The following SMG1 variants were observed in gnomAD, a reference collection of about 807,000 sequenced individuals.
The protein encoded by SMG1 is serine/threonine-protein kinase SMG1.
A neutral mutation model predicts 419.9 loss-of-function variants in SMG1; 22 were observed. The ratio of observed to expected loss-of-function variants is 0.05; its 90% CI spans 0.04 to 0.07. SMG1 has a LOEUF of 0.07. Ranked by LOEUF, SMG1 falls within the 10% of genes least tolerant of loss-of-function variation. The probability of loss-of-function intolerance (pLI) is 1.00; values close to 1 mark genes in which losing one functional copy is unlikely to be tolerated. For synonymous variants in SMG1, 1,538 were observed against 1,553.5 expected, an observed-to-expected ratio of 0.99 and a Z score of 0.23; for missense variants, 3,185 against 4,342.0, an observed-to-expected ratio of 0.73 and a Z score of 7.49.
chr16:18,876,315 A>G lies in SMG1; in HGVS notation c.1699T>C (p.Leu567=). The part of the protein sequence containing the change: ...NIPVLETAYK[L]ILGEMTCALN... ...GCACAAGTCATTTCTCCCAATATTA[A>G]CTTATAGGCAGTCTCCAAAACAGGA... Residue 567 remains leucine (L), a synonymous_variant, in exon 13 of 63, where the codon TTA becomes CTA. Coordinates refer to ENST00000446231, the MANE Select transcript of SMG1 (RefSeq NM_015092.5). 1 of 1,611,770 alleles carries G rather than the reference A, an allele frequency of 6.2e-7. No homozygotes were observed. The highest frequency in any genetic ancestry group is 8.5e-7 in the Non-Finnish European group (1 of 1,179,688).
chr16:18,864,194 T>TTC, intron 23 of SMG1, 50 bp from the exon 24 acceptor site: 1 of 1,308,012 alleles, frequency 7.6e-7, no homozygotes, highest in Non-Finnish European at 1.0e-6. Context: ...TTACTTTTTT[T>TTC]TTTTTTTTTT....
chr16:18,830,269 C>G lies in SMG1; in HGVS notation c.8893G>C (p.Asp2965His). 6.2e-7 allele frequency: 1 copy of G among 1,613,932 alleles called. No individual in the cohort carries two copies. Residue 2965 changes from aspartate (D) to histidine (H), a missense_variant, in exon 52 of 63, where the codon GAT becomes CAT. Coordinates refer to ENST00000446231, the MANE Select transcript of SMG1 (RefSeq NM_015092.5). ...SAGQMLLVAF[D>H]GMFAQVETAF... ...GTTTCAACTTGAGCAAACATGCCAT[C>G]GAATGCTACCAAAAGCATCTGGCCA...
At chr16:18,818,316 C>A (rs1223549645) in intron 56 of SMG1, among the ~76,000 whole-genome samples, 1 of 152,008 alleles carries the variant, frequency 6.6e-6, no homozygotes, top group African/African-American at 2.4e-5. Context: ...ACTCGGGAGG[C>A]AGAGGTTGCA....
intron 12 of SMG1, 36 bp downstream of exon 12, chr16:18,877,095 C>T (rs777855476): frequency 4.1e-6 from 6 of 1,463,428 alleles, no homozygotes; most frequent in Non-Finnish European, 4.6e-6. Context: ...TTCAGTGACT[C>T]AAGTTGTCAA....
intron 57 of SMG1, 75 bp from the exon 58 acceptor site, chr16:18,816,604 A>G: frequency 8.0e-7 from 1 of 1,242,338 alleles, no homozygotes; most frequent in East Asian, 2.4e-5. Flanking sequence ...AACATCATCA[A>G]AAGATATTAG....
chr16:18,861,467 G>A (rs1409127791), intron 25 of SMG1: 2 of 151,634 alleles, frequency 1.3e-5, no homozygotes, highest in African/African-American at 4.8e-5. Context: ...CAGCCAGGAA[G>A]AAGACACTGT....
At chr16:18,849,448 G>A in intron 35 of SMG1, 70 bp from the exon 36 acceptor site, 1 of 1,412,204 alleles carries the variant, frequency 7.1e-7, no homozygotes. Context: ...CAGCATCGTA[G>A]ATCAAACAGA....
rs189455389 is a variant in SMG1 at position 18,882,258 on chromosome 16, T to G, written c.1200A>C (p.Ala400=). The G allele has an allele frequency of 1.2e-6, 2 of 1,610,024 alleles. No homozygotes were observed. Among genetic ancestry groups the G allele is most frequent in the Non-Finnish European group, 1.7e-6 (2 of 1,179,140 alleles). Reference sequence around the variant, plus strand: ...CCACAGTACTAAATACCCGGAGAAGTGCAGCCAGCTTTGGTAATGACACTG... The same window carrying G: ...CCACAGTACTAAATACCCGGAGAAGGGCAGCCAGCTTTGGTAATGACACTG... ...PPSVSLPKLA[A]LLRVFSTVVR... Residue 400 remains alanine, a synonymous_variant, in exon 10 of 63, where the codon GCA becomes GCC. Coordinates refer to ENST00000446231, the MANE Select transcript of SMG1 (RefSeq NM_015092.5).
intron 1 of SMG1, among the ~76,000 whole-genome samples, chr16:18,910,072 G>A (rs1167761288): frequency 6.6e-6 from 1 of 150,650 alleles, no homozygotes; most frequent in Non-Finnish European, 1.5e-5. Context: ...TAGATTTACA[G>A]TACTACAATT....
chr16:18,919,493 G>A (rs1208718141), intron 1 of SMG1, among the ~76,000 whole-genome samples: 8 of 151,204 alleles, frequency 5.3e-5, no homozygotes, highest in Admixed American at 1.3e-4. Context: ...GCATCATAGC[G>A]GGCACCTGCA....
rs781656219 is a variant in SMG1, at chr16:18,854,869, A to C, written c.4270T>G (p.Leu1424Val). 3 of 1,613,980 alleles carry C rather than the reference A, an allele frequency of 1.9e-6. No homozygotes were observed. The highest frequency in any genetic ancestry group is 2.5e-6 in the Non-Finnish European group (3 of 1,179,884). ...TVPIRSHLME[L>V]GLTAAKFARK... Reference sequence around the variant, plus strand: ...GCAAATTTTGCTGCTGTTAGACCTAATTCCATGAGATGGCTTCTAATTGGG... The same window carrying C: ...GCAAATTTTGCTGCTGTTAGACCTACTTCCATGAGATGGCTTCTAATTGGG... The change falls in exon 30 of 63, where the codon TTA becomes GTA. Residue 1424 changes from leucine (L) to valine (V), a missense_variant. By Grantham distance (32) the Leu-to-Val change is conservative (BLOSUM62 1). This residue lies in a region of SMG1 where 493 missense variants were observed against 552.9 expected (regional missense o/e 0.89). Transcript: ENST00000446231.
chr16:18,903,134 G>GT (rs1196447838), intron 1 of SMG1, among the ~76,000 whole-genome samples: 1 of 152,072 alleles, frequency 6.6e-6, no homozygotes, highest in East Asian at 1.9e-4. Flanking sequence ...CATAAATTTT[G>GT]TTTTTTAGTA....
intron 62 of SMG1, among the ~76,000 whole-genome samples, chr16:18,810,932 T>A (rs1484672470): frequency 2.0e-5 from 3 of 152,204 alleles, no homozygotes; most frequent in African/African-American, 7.2e-5. Flanking sequence ...AATTGTTAAC[T>A]GGTGAGTCTA....
intron 38 of SMG1, among the ~76,000 whole-genome samples, chr16:18,846,107 T>C (rs2606543): frequency 0.49 from 74,859 of 151,914 alleles, 18,824 homozygotes; most frequent in Middle Eastern, 0.59. Context: ...AGTCACCGTG[T>C]CCAGCCAAGA....
rs2031458446 is a variant in SMG1 at position 18,812,045 on chromosome 16, A to T, written c.10704T>A (p.Ala3568=). The part of the protein sequence containing the change: ...NARKLIQKNL[A]TSADTPPSTV... Reference sequence around the variant, plus strand: ...TGCTTGGTGGAGTATCAGCTGATGTAGCAAGATTTTTTTGGATCAGCTTTC... The same window carrying T: ...TGCTTGGTGGAGTATCAGCTGATGTTGCAAGATTTTTTTGGATCAGCTTTC... Residue 3568 remains alanine (A), a synonymous_variant, in exon 61 of 63, where the codon GCT becomes GCA. Transcript: ENST00000446231. 48 of 1,613,844 alleles carry T rather than the reference A, an allele frequency of 3.0e-5. No individual in the cohort carries two copies. The highest frequency in any genetic ancestry group is 4.1e-5 in the Non-Finnish European group (48 of 1,179,888).
chr16:18,844,748 AAATTCAGT>A (rs1365187077), intron 39 of SMG1, among the ~76,000 whole-genome samples: 1 of 152,120 alleles, frequency 6.6e-6, no homozygotes, highest in Non-Finnish European at 1.5e-5. Flanking sequence ...CTCACTGCTC[AAATTCAGT>A]AAGGAAATCA....
At chr16:18,845,735 A>C in intron 38 of SMG1, 84 bp from the exon 39 acceptor site, 1 of 974,912 alleles carries the variant, frequency 1.0e-6, no homozygotes, top group Non-Finnish European at 1.6e-6. Context: ...CAATATATCA[A>C]TTGTTAAGTA....
rs879866489 is a variant in SMG1 at position 18,872,187 on chromosome 16, G to C, written c.2180C>G (p.Thr727Arg). 2.0e-6 allele frequency: 3 copies of C among 1,467,800 alleles called. No individual in the cohort carries two copies. Among genetic ancestry groups the C allele is most frequent in the Non-Finnish European group, 2.8e-6 (3 of 1,064,148 alleles). 90.9% of individuals were successfully genotyped at this position (1,467,800 alleles called of 1,614,324 possible). ...AATACTATATAATATCTGTTACCTC[G>C]TGTCCTGGTTAAGGTTATCTTTCTT... Reference protein sequence around the residue: ...LLKKDNLNQDTRKLLMTWALE... With the variant: ...LLKKDNLNQDRRKLLMTWALE... Residue 727 changes from threonine (T) to arginine (R), a missense_variant, in exon 15 of 63, where the codon ACG becomes AGG. Physicochemically the swap from Thr to Arg is moderately conservative, Grantham distance 71 (BLOSUM62 -1). Around this residue, in one of 27 missense-constraint regions of SMG1, gnomAD observed 297 missense variants for 491.0 expected, o/e 0.60. Coordinates refer to ENST00000446231, the MANE Select transcript of SMG1 (RefSeq NM_015092.5).
intron 6 of SMG1, among the ~76,000 whole-genome samples, chr16:18,887,757 A>C (rs2036688253): frequency 8.0e-6 from 1 of 125,306 alleles, no homozygotes; most frequent in African/African-American, 3.2e-5. Flanking sequence ...GCATATCAAA[A>C]ACAGTAAAAA....
Sources: allele counts gnomAD v4.1 joint callset (sites outside exome capture counted in the v4.1 genomes callset), GRCh38; gene constraint gnomAD v4.1.1; regional missense constraint gnomAD v4.1.1; transcripts MANE v1.5; gene names NCBI Gene and HGNC (gene_info 2026-07-23, HGNC 2026-07-21).